SLC10A7: variants seen among roughly 807,000 people sequenced by gnomAD.
SLC10A7 encodes the protein sodium/bile acid cotransporter 7.
Under a neutral mutation model 43.2 loss-of-function variants are expected in SLC10A7, and 29 were observed. The observed-to-expected ratio is 0.67, with a 90% CI of 0.50 to 0.92. The LOEUF is 0.92. Ranked by LOEUF, SLC10A7 falls within the 40% of genes least tolerant of loss-of-function variation. The probability of loss-of-function intolerance (pLI) is 0.00; values close to 1 mark genes in which losing one functional copy is unlikely to be tolerated. For synonymous variants in SLC10A7, 152 were observed against 144.8 expected, an observed-to-expected ratio of 1.05 and a Z score of -0.35; for missense variants, 295 against 403.2, an observed-to-expected ratio of 0.73 and a Z score of 2.30.
At chr4:146,276,636 G>A (rs1477419448) in intron 10 of SLC10A7, among the ~76,000 whole-genome samples, 1 of 152,100 alleles carries the variant, frequency 6.6e-6, no homozygotes, top group African/African-American at 2.4e-5. Flanking sequence ...CTTCCTACAT[G>A]GTATCAGAAA....
In SLC10A7 at chr4:146,517,078, G is replaced by C. The variant is rs1738075605; in HGVS notation, c.143C>G (p.Ala48Gly). The C allele has an allele frequency of 6.2e-7, 1 of 1,610,064 alleles. No homozygotes were observed. The highest frequency in any genetic ancestry group is 1.3e-5 in the African/African-American group (1 of 74,838). The change falls in exon 2 of 12, where the codon GCA (alanine) becomes GGA (glycine). Residue 48 changes from alanine (A) to glycine (G), a missense_variant. Physicochemically the swap from Ala to Gly is moderately conservative, Grantham distance 60. This residue lies in a region of SLC10A7 where 242 missense variants were observed against 362.5 expected (regional missense o/e 0.67). Transcript: ENST00000335472. The part of the protein sequence containing the change: ...PEITVSYIAV[A>G]TIFFNSGLSL... ...TAGTCCACTGTTAAAGAATATTGTT[G>C]CAACAGCAATGTAGGATACAGTTAT...
intron 4 of SLC10A7, among the ~76,000 whole-genome samples, chr4:146,484,357 A>C (rs1477613519): frequency 6.6e-6 from 1 of 152,190 alleles, no homozygotes; most frequent in Non-Finnish European, 1.5e-5. Context: ...CTGTCTCTAA[A>C]ATTTTTTTTA....
intron 4 of SLC10A7, among the ~76,000 whole-genome samples, chr4:146,448,132 G>A (rs1718613058): frequency 6.6e-6 from 1 of 151,718 alleles, no homozygotes; most frequent in Non-Finnish European, 1.5e-5. Context: ...ACGAGTTAAT[G>A]GGTGCAGCAC....
At chr4:146,365,356 C>A (rs554097015) in intron 5 of SLC10A7, among the ~76,000 whole-genome samples, 75 of 152,128 alleles carry the variant, frequency 4.9e-4, no homozygotes, top group Non-Finnish European at 8.1e-4. Context: ...GGATACTTAA[C>A]TTTCTAAGAT....
chr4:146,266,113 G>C lies in SLC10A7; in HGVS notation c.848-7276C>G, dbSNP rs180787348. ...TTGGAGAGAGCTGCTGGCAAATCTG[G>C]AATCCAGTTGCTTCTCTCTTCAGTT... On this transcript the variant is annotated intron_variant, in intron 10 of 11. Transcript: ENST00000335472. Among the ~76,000 whole-genome samples, 80 of 152,266 alleles carry C rather than the reference G, an allele frequency of 5.3e-4. 2 individuals carry two copies. The East Asian group carries it at 0.013, about 25-fold the overall frequency.
intron 10 of SLC10A7, among the ~76,000 whole-genome samples, chr4:146,276,030 G>A (rs970477081): frequency 8.5e-5 from 13 of 152,180 alleles, no homozygotes; most frequent in East Asian, 3.9e-4. Flanking sequence ...GATCACTCCC[G>A]CACATCCCTG....
intron 4 of SLC10A7, among the ~76,000 whole-genome samples, chr4:146,457,419 C>A (rs777938876): frequency 4.0e-5 from 6 of 151,856 alleles, no homozygotes; most frequent in African/African-American, 4.8e-5. Context: ...TTTAAATGTA[C>A]AATTAAATTA....
At chr4:146,507,631 A>G (rs761319208) in intron 3 of SLC10A7, among the ~76,000 whole-genome samples, 1 of 152,172 alleles carries the variant, frequency 6.6e-6, no homozygotes, top group Non-Finnish European at 1.5e-5. Flanking sequence ...CTCCATGACT[A>G]CTGCCACCAT....
rs72950652 is a variant in SLC10A7 at position 146,325,388 on chromosome 4, G to A, written c.471+573C>T. Among the ~76,000 whole-genome samples, 950 of 152,208 alleles carry A rather than the reference G, an allele frequency of 6.2e-3. 5 individuals are homozygous for A. The highest frequency in any genetic ancestry group is 0.021 in the African/African-American group (886 of 41,516). Reference sequence around the variant, plus strand: ...AGCTAATTAGCATTTCTTGTTTTCAGAACAGTTTTTGTTTAGTTAACTAGA... The same window carrying A: ...AGCTAATTAGCATTTCTTGTTTTCAAAACAGTTTTTGTTTAGTTAACTAGA... On this transcript the variant is annotated intron_variant, in intron 6 of 11. Coordinates refer to ENST00000335472, the MANE Select transcript of SLC10A7 (RefSeq NM_001029998.6).
chr4:146,326,751 G>GCAGAT (rs1733135106), intron 5 of SLC10A7, among the ~76,000 whole-genome samples: 1 of 152,194 alleles, frequency 6.6e-6, no homozygotes, highest in South Asian at 2.1e-4. Flanking sequence ...TTTTGGAGCA[G>GCAGAT]CAGATGATTA....
chr4:146,417,969 G>A (rs149150516), intron 5 of SLC10A7, among the ~76,000 whole-genome samples: 216 of 151,952 alleles, frequency 1.4e-3, no homozygotes, highest in Non-Finnish European at 2.5e-3. Flanking sequence ...CCTCCCTGGG[G>A]ACCTGTGAGT....
chr4:146,360,914 C>T (rs542970857), intron 5 of SLC10A7, among the ~76,000 whole-genome samples: 43 of 152,206 alleles, frequency 2.8e-4, no homozygotes, highest in Non-Finnish European at 5.0e-4. Context: ...GGTCACCCCC[C>T]GGCTCACCTA....
At chr4:146,296,782 T>C (rs937852378) in intron 7 of SLC10A7, among the ~76,000 whole-genome samples, 2 of 152,184 alleles carry the variant, frequency 1.3e-5, no homozygotes, top group African/African-American at 4.8e-5. Flanking sequence ...AGAAAGGCGT[T>C]AAAATGTTTC....
intron 5 of SLC10A7, among the ~76,000 whole-genome samples, chr4:146,375,482 C>T (rs1436392974): frequency 6.6e-6 from 1 of 152,160 alleles, no homozygotes. Context: ...AACTTGACCA[C>T]TGTACTTAAA....
intron 4 of SLC10A7, among the ~76,000 whole-genome samples, chr4:146,462,398 G>A (rs551087268): frequency 9.9e-5 from 15 of 152,148 alleles, no homozygotes; most frequent in Admixed American, 7.2e-4. Flanking sequence ...AATTTTACAT[G>A]TAAGGATTAG....
intron 5 of SLC10A7, among the ~76,000 whole-genome samples, chr4:146,384,833 T>C (rs1737875450): frequency 6.6e-6 from 1 of 152,120 alleles, no homozygotes; most frequent in African/African-American, 2.4e-5. Context: ...TAAGGAGAGA[T>C]AAGAAAGGGA....
chr4:146,517,592 C>G (rs1410033104), intron 1 of SLC10A7, among the ~76,000 whole-genome samples: 1 of 152,124 alleles, frequency 6.6e-6, no homozygotes, highest in Non-Finnish European at 1.5e-5. Flanking sequence ...GTGATGCAGC[C>G]TAACTCCAGA....
chr4:146,362,676 TATA>T (rs1736129743), intron 5 of SLC10A7, among the ~76,000 whole-genome samples: 1 of 152,050 alleles, frequency 6.6e-6, no homozygotes, highest in African/African-American at 2.4e-5. Flanking sequence ...TAATAGACAA[TATA>T]ATAAGATATA....
chr4:146,346,656 C>CA (rs1425638808), intron 5 of SLC10A7, among the ~76,000 whole-genome samples: 2 of 152,106 alleles, frequency 1.3e-5, no homozygotes, highest in East Asian at 3.9e-4. Flanking sequence ...TTTGAAATTA[C>CA]AAAACAGTTT....
Sources: gnomAD v4.1 joint callset for allele counts (sites outside exome capture counted in the v4.1 genomes callset) on GRCh38, gnomAD v4.1.1 for gene constraint, gnomAD v4.1.1 regional missense constraint, MANE v1.5 for transcripts, NCBI Gene and HGNC (gene_info 2026-07-23, HGNC 2026-07-21) for gene names.